Variants in CEP162 observed in about 807,000 individuals in gnomAD.
CEP162 encodes centrosomal protein of 162 kDa.
In CEP162, 141 loss-of-function variants were observed where a neutral mutation model predicts 169.2. The ratio of observed to expected loss-of-function variants is 0.83; its 90% CI spans 0.73 to 0.96. CEP162 has a LOEUF of 0.96. Ranked by LOEUF, CEP162 falls within the 40% of genes least tolerant of loss-of-function variation. The pLI is 0.00. For missense variants in CEP162, 1,600 were observed against 1,587.2 expected (o/e 1.01, Z -0.14); for synonymous variants, 540 against 526.4 (o/e 1.03, Z -0.35).
chr6:84,198,779 C>G (rs1396189093), intron 9 of CEP162, among the ~76,000 whole-genome samples: 1 of 152,062 alleles, frequency 6.6e-6, no homozygotes, highest in Non-Finnish European at 1.5e-5. Flanking sequence ...TATATATTAT[C>G]TCAGTTGACC....
intron 24 of CEP162, 63 bp from the exon 25 acceptor site, chr6:84,146,848 T>C (rs1418997282): frequency 1.2e-6 from 1 of 840,222 alleles, no homozygotes; most frequent in Non-Finnish European, 1.8e-6. Context: ...CTGAAAAATA[T>C]AAGAAAGCCA....
At position 84,161,806 on chromosome 6, in the gene CEP162, C is replaced by T; in HGVS notation, c.2616G>A (p.Leu872=). 2.5e-6 allele frequency: 4 copies of T among 1,602,340 alleles called. No homozygotes were observed. The highest frequency in any genetic ancestry group is 3.4e-6 in the Non-Finnish European group (4 of 1,173,446). The change falls in exon 20 of 27, where the codon CTG becomes CTA. Residue 872 remains leucine (L), a synonymous_variant. Coordinates refer to ENST00000403245, the MANE Select transcript of CEP162 (RefSeq NM_014895.4). ...CTCTAAGCCGAAGTGCATCTTTATC[C>T]AGAAGTTCCTGATTTTCAGCATACC... The part of the protein sequence containing the change: ...LQWYAENQEL[L]DKDALRLREA...
At position 84,125,019 on chromosome 6, in the gene CEP162, C is replaced by T; in HGVS notation, c.*51G>A. 7.4e-7 allele frequency: 1 copy of T among 1,348,090 alleles called. No individual in the cohort carries two copies. The highest frequency in any genetic ancestry group is 1.1e-6 in the Non-Finnish European group (1 of 951,674). 83.5% of individuals were successfully genotyped at this position (1,348,090 alleles called of 1,614,324 possible). On this transcript the variant is annotated 3_prime_UTR_variant, in exon 27 of 27. Transcript: ENST00000403245. ...AAGCTGTCCTGACAGTGGCACAATC[C>T]CATCCATCTTCAGGCCTTTTAATAA...
chr6:84,164,561 C>T (rs1479581533), intron 18 of CEP162, among the ~76,000 whole-genome samples: 1 of 152,098 alleles, frequency 6.6e-6, no homozygotes, highest in Non-Finnish European at 1.5e-5. Context: ...ATGGATGAAG[C>T]CGGAAACCAT....
intron 25 of CEP162, among the ~76,000 whole-genome samples, chr6:84,129,080 C>A (rs2129183509): frequency 6.6e-6 from 1 of 152,234 alleles, no homozygotes; most frequent in East Asian, 1.9e-4. Context: ...TTGTCTTTAT[C>A]CAATCTATCA....
At chr6:84,181,125 A>G (rs1403141930) in intron 13 of CEP162, among the ~76,000 whole-genome samples, 1 of 152,246 alleles carries the variant, frequency 6.6e-6, no homozygotes, top group East Asian at 1.9e-4. Context: ...TACAGTAACC[A>G]AAACAGCATG....
At position 84,194,407 on chromosome 6, in the gene CEP162, C is replaced by G. The variant is rs1299795976; in HGVS notation, c.1027+477G>C. On this transcript the variant is annotated intron_variant, in intron 10 of 26. Coordinates refer to ENST00000403245, the MANE Select transcript of CEP162 (RefSeq NM_014895.4). ...GTGAAATTTCGTTTTGTGTTTGGCTCTAATTTTATAGTTAAACCAAGGGTT... is the reference window on the plus strand; with the variant it reads ...GTGAAATTTCGTTTTGTGTTTGGCTGTAATTTTATAGTTAAACCAAGGGTT... Among the ~76,000 whole-genome samples, 3 of 149,174 alleles carry G rather than the reference C, an allele frequency of 2.0e-5. No individual in the cohort carries two copies. The East Asian group carries it at 5.9e-4, about 29-fold the overall frequency.
chr6:84,156,442 C>G (rs1414336366), intron 21 of CEP162, among the ~76,000 whole-genome samples: 1 of 152,000 alleles, frequency 6.6e-6, no homozygotes, highest in Non-Finnish European at 1.5e-5. Context: ...AAAAGACATA[C>G]AAGTGGCCAA....
At chr6:84,151,836 G>A (rs1040156790) in intron 23 of CEP162, among the ~76,000 whole-genome samples, 1 of 152,072 alleles carries the variant, frequency 6.6e-6, no homozygotes, top group Non-Finnish European at 1.5e-5. Flanking sequence ...AGGAGAAAAT[G>A]CCCCTGGACT....
chr6:84,218,051 T>G (rs943862307), intron 3 of CEP162, among the ~76,000 whole-genome samples: 3 of 152,212 alleles, frequency 2.0e-5, no homozygotes, highest in Non-Finnish European at 4.4e-5. Flanking sequence ...AGAGCAAAGT[T>G]AAATGTGAAT....
chr6:84,130,279 T>C (rs1032255145), intron 25 of CEP162, among the ~76,000 whole-genome samples: 11 of 152,218 alleles, frequency 7.2e-5, no homozygotes, highest in Non-Finnish European at 1.3e-4. Context: ...TTGAGGATTT[T>C]TGCATTGATG....
intron 5 of CEP162, among the ~76,000 whole-genome samples, chr6:84,213,401 AG>A (rs2099550290): frequency 6.6e-6 from 1 of 152,258 alleles, no homozygotes; most frequent in African/African-American, 2.4e-5. Context: ...TATGAAAGCC[AG>A]AAAAAAAATG....
At chr6:84,135,273 T>C (rs2099513509) in intron 25 of CEP162, among the ~76,000 whole-genome samples, 1 of 152,200 alleles carries the variant, frequency 6.6e-6, no homozygotes, top group Non-Finnish European at 1.5e-5. Context: ...TATTCTTTAA[T>C]GAATAAAACT....
At chr6:84,199,551 T>C (rs1207029241) in intron 9 of CEP162, among the ~76,000 whole-genome samples, 1 of 50,046 alleles carries the variant, frequency 2.0e-5, no homozygotes, top group Non-Finnish European at 3.3e-5. Flanking sequence ...AATTAAAAAG[T>C]AAAAAGCAAA....
chr6:84,180,933 T>C (rs1588813108), intron 13 of CEP162, among the ~76,000 whole-genome samples: 1 of 152,244 alleles, frequency 6.6e-6, no homozygotes, highest in South Asian at 2.1e-4. Flanking sequence ...AGGTAATTTA[T>C]AGATTCAGTG....
Position 84,194,891 on chromosome 6 carries a change from C to T in CEP162, c.1020G>A (p.Met340Ile). The T allele has an allele frequency of 5.6e-6, 9 of 1,605,318 alleles. No homozygotes were observed. Among genetic ancestry groups the T allele is most frequent in the Non-Finnish European group, 7.7e-6 (9 of 1,174,744 alleles). ...TCATCTGTAAGTTTTTACCAGATTC[C>T]ATAGTAGAGATGTTTTTTGAATTCT... Reference protein sequence around the residue: ...NEENSKNISTMESDLPTVEEL... With the variant: ...NEENSKNISTIESDLPTVEEL... Residue 340 changes from methionine (M) to isoleucine (I), a missense_variant, in exon 10 of 27, where the codon ATG becomes ATA. Transcript: ENST00000403245.
At position 84,152,929 on chromosome 6, in the gene CEP162, T is replaced by G. The variant is rs746518019; in HGVS notation, c.3245A>C (p.His1082Pro). ...QSIEFQVEQA[H>P]AKAKLVRLNE... ...GAGTCTTACTAATTTAGCTTTAGCATGAGCCTGTTCCACCTGGAATTCTAT... is the reference window on the plus strand; with the variant it reads ...GAGTCTTACTAATTTAGCTTTAGCAGGAGCCTGTTCCACCTGGAATTCTAT... Residue 1082 changes from histidine to proline, a missense_variant, in exon 23 of 27, where the codon CAT becomes CCT. His to Pro is a moderately conservative substitution (Grantham distance 77, BLOSUM62 -2). Coordinates refer to ENST00000403245, the MANE Select transcript of CEP162 (RefSeq NM_014895.4). 3.7e-6 allele frequency: 6 copies of G among 1,613,772 alleles called. No homozygotes were observed. In the South Asian group the frequency reaches 6.6e-5, roughly 18 times the overall value.
chr6:84,197,199 C>T (rs1270837584), intron 9 of CEP162, among the ~76,000 whole-genome samples: 1 of 149,228 alleles, frequency 6.7e-6, no homozygotes, highest in Non-Finnish European at 1.5e-5. Flanking sequence ...TAAGCAATAA[C>T]AGAGCAAACA....
At chr6:84,164,081 T>C (rs9449817) in intron 18 of CEP162, among the ~76,000 whole-genome samples, 36,072 of 150,588 alleles carry the variant, frequency 0.24, 9,767 homozygotes, top group African/African-American at 0.67. Flanking sequence ...ATTTATGCGG[T>C]CAACAAACAT....
Sources: allele counts gnomAD v4.1 joint callset (sites outside exome capture counted in the v4.1 genomes callset), GRCh38; gene constraint gnomAD v4.1.1; transcripts MANE v1.5; gene names NCBI Gene and HGNC (gene_info 2026-07-23, HGNC 2026-07-21).